Variants in SLC1A2 observed in about 807,000 individuals in gnomAD.
SLC1A2 encodes solute carrier family 1 member 2, also known as excitatory amino acid transporter 2.
SLC1A2 carries 15 observed loss-of-function variants against 48.8 expected under a neutral mutation model. The observed-to-expected ratio is 0.31, with a 90% confidence interval of 0.21 to 0.47. The LOEUF is 0.47. SLC1A2 is among the 20% of genes least tolerant of loss of function. The pLI, the probability that SLC1A2 is intolerant of heterozygous loss-of-function variation, is 0.99. For missense variants in SLC1A2, 502 were observed against 730.5 expected, an observed-to-expected ratio of 0.69 and a Z score of 3.61; for synonymous variants, 279 against 272.6, an observed-to-expected ratio of 1.02 and a Z score of -0.23.
chr11:35,301,964 G>A (rs1851370051), intron 5 of SLC1A2, among the ~76,000 whole-genome samples: 1 of 152,184 alleles, frequency 6.6e-6, no homozygotes, highest in South Asian at 2.1e-4. Context: ...TCATGTGTAA[G>A]CAGATTCCTT....
chr11:35,353,921 T>C (rs1853361109), intron 1 of SLC1A2, among the ~76,000 whole-genome samples: 1 of 152,176 alleles, frequency 6.6e-6, no homozygotes. Context: ...GCAATATTAA[T>C]ATACATTTAA....
At chr11:35,350,312 T>C (rs1195969908) in intron 1 of SLC1A2, among the ~76,000 whole-genome samples, 2 of 152,252 alleles carry the variant, frequency 1.3e-5, no homozygotes, top group Non-Finnish European at 1.5e-5. Context: ...TGTCTTGTTT[T>C]ATCTTGTAGG....
chr11:35,332,113 A>C (rs1239303033), intron 1 of SLC1A2, among the ~76,000 whole-genome samples: 1 of 152,210 alleles, frequency 6.6e-6, no homozygotes, highest in Non-Finnish European at 1.5e-5. Context: ...GGAAACCTGA[A>C]GTCCACCAGA....
intron 9 of SLC1A2, among the ~76,000 whole-genome samples, chr11:35,274,675 C>T (rs372420683): frequency 6.6e-6 from 1 of 152,226 alleles, no homozygotes. Context: ...GGGTTTGAAC[C>T]CCAATTCAGC....
At chr11:35,357,649 A>C (rs1294154665) in intron 1 of SLC1A2, among the ~76,000 whole-genome samples, 5 of 152,206 alleles carry the variant, frequency 3.3e-5, no homozygotes, top group African/African-American at 1.2e-4. Flanking sequence ...GTGAAGTATA[A>C]CAGAGCCATT....
intron 2 of SLC1A2, chr11:35,315,463 T>A (rs894971732): frequency 3.5e-6 from 1 of 281,712 alleles, no homozygotes; most frequent in South Asian, 4.9e-5. Context: ...TATTTGAGGC[T>A]ATTTGTCTAC....
At chr11:35,412,682 A>C (rs760124970) in intron 1 of SLC1A2, among the ~76,000 whole-genome samples, 3 of 152,248 alleles carry the variant, frequency 2.0e-5, no homozygotes, top group Non-Finnish European at 4.4e-5. Flanking sequence ...TTCAGTAAAG[A>C]GCGTAAGTTA....
chr11:35,336,366 T>C (rs1185820642), intron 1 of SLC1A2, among the ~76,000 whole-genome samples: 1 of 152,220 alleles, frequency 6.6e-6, no homozygotes, highest in Non-Finnish European at 1.5e-5. Flanking sequence ...GGTTTCTTGA[T>C]GATCTCTATC....
At chr11:35,325,442 C>T (rs1192615329) in intron 1 of SLC1A2, among the ~76,000 whole-genome samples, 1 of 152,188 alleles carries the variant, frequency 6.6e-6, no homozygotes, top group Non-Finnish European at 1.5e-5. Flanking sequence ...GTCTCTGTCT[C>T]CACCATGCCT....
At chr11:35,367,421 T>C (rs1206257876) in intron 1 of SLC1A2, among the ~76,000 whole-genome samples, 1 of 152,234 alleles carries the variant, frequency 6.6e-6, no homozygotes, top group Admixed American at 6.5e-5. Flanking sequence ...ACACAGGATC[T>C]GATCCTGAGC....
At chr11:35,384,078 T>C (rs923468977) in intron 1 of SLC1A2, among the ~76,000 whole-genome samples, 10 of 152,208 alleles carry the variant, frequency 6.6e-5, no homozygotes, top group East Asian at 1.9e-4. Context: ...CAGGACTTTT[T>C]TGGTTGCTTG....
chr11:35,268,636 G>T (rs1187999708), intron 9 of SLC1A2, among the ~76,000 whole-genome samples: 1 of 150,854 alleles, frequency 6.6e-6, no homozygotes, highest in African/African-American at 2.4e-5. Context: ...CTACACTCCA[G>T]TCTGGGCAAG....
intron 1 of SLC1A2, among the ~76,000 whole-genome samples, chr11:35,345,002 C>G (rs1192241043): frequency 6.6e-6 from 1 of 152,034 alleles, no homozygotes; most frequent in Non-Finnish European, 1.5e-5. Flanking sequence ...AAACAGTGAG[C>G]ACGTAACTGA....
At chr11:35,331,428 C>T (rs1383326919) in intron 1 of SLC1A2, among the ~76,000 whole-genome samples, 1 of 152,210 alleles carries the variant, frequency 6.6e-6, no homozygotes, top group African/African-American at 2.4e-5. Flanking sequence ...CCCAGCAGTC[C>T]AGTCAGTTTA....
Position 35,306,091 on chromosome 11 carries a change from T to A in SLC1A2, c.713A>T (p.Asp238Val). 6.2e-7 allele frequency: 1 copy of A among 1,613,896 alleles called. No homozygotes were observed. The highest frequency in any genetic ancestry group is 8.5e-7 in the Non-Finnish European group (1 of 1,179,864). The change falls in exon 5 of 11, where the codon GAT becomes GTT. Residue 238 changes from aspartate to valine, a missense_variant. Around this residue, in one of 4 missense-constraint regions of SLC1A2, gnomAD observed 309 missense variants for 480.3 expected, o/e 0.64. Coordinates refer to ENST00000278379, the MANE Select transcript of SLC1A2 (RefSeq NM_004171.4). ...TGGCCTACCTAAGACGTTCATCCCA[T>A]CCTTGAACTCCAGGCCCTTCTTGAT... ...MVIKKGLEFK[D>V]GMNVLGLIGF...
In SLC1A2 at chr11:35,398,070, T is replaced by G. The variant is rs1855022628; in HGVS notation, c.17+20880A>C. ...CCTGGGTTTCTCAACATGCTTTGAC[T>G]GTGGTCCTCAGGATAACAAGGGGAC... On this transcript the variant is annotated intron_variant, in intron 1 of 10. Transcript: ENST00000278379. Among the ~76,000 whole-genome samples, 3 of 152,226 alleles carry G rather than the reference T, an allele frequency of 2.0e-5. No individual in the cohort carries two copies. The South Asian group carries it at 6.2e-4, about 32-fold the overall frequency.
chr11:35,363,335 T>C (rs1294034283), intron 1 of SLC1A2, among the ~76,000 whole-genome samples: 2 of 152,112 alleles, frequency 1.3e-5, no homozygotes, highest in Non-Finnish European at 2.9e-5. Flanking sequence ...CAGCAGGCTG[T>C]TGCCTGGTAG....
intron 9 of SLC1A2, among the ~76,000 whole-genome samples, chr11:35,270,365 G>A (rs1052005934): frequency 6.6e-6 from 1 of 152,238 alleles, no homozygotes; most frequent in South Asian, 2.1e-4. Flanking sequence ...ACTCATTGTA[G>A]GTTACAGGCA....
intron 7 of SLC1A2, among the ~76,000 whole-genome samples, chr11:35,289,779 T>C (rs1850937622): frequency 6.6e-6 from 1 of 152,224 alleles, no homozygotes; most frequent in Non-Finnish European, 1.5e-5. Flanking sequence ...TTTGACTAAG[T>C]ACAAATTTAA....
Sources: allele counts gnomAD v4.1 joint callset (sites outside exome capture counted in the v4.1 genomes callset), GRCh38; gene constraint gnomAD v4.1.1; regional missense constraint gnomAD v4.1.1; transcripts MANE v1.5; gene names NCBI Gene and HGNC (gene_info 2026-07-23, HGNC 2026-07-21).